The following NAALADL2 variants were observed in gnomAD, a reference collection of about 807,000 sequenced individuals.
NAALADL2 encodes the protein inactive N-acetylated-alpha-linked acidic dipeptidase-like protein 2.
NAALADL2 carries 76 observed loss-of-function variants against 87.2 expected under a neutral mutation model. That is an observed-to-expected ratio of 0.87 (90% CI 0.72 to 1.05). NAALADL2 has a LOEUF of 1.05. Ranked by LOEUF, NAALADL2 falls within the 50% of genes least tolerant of loss-of-function variation. The pLI, the probability that NAALADL2 is intolerant of heterozygous loss-of-function variation, is 0.00. For missense variants in NAALADL2, 1,089 were observed against 945.8 expected (o/e 1.15, Z -1.99); for synonymous variants, 354 against 331.0 (o/e 1.07, Z -0.75).
intron 2 of NAALADL2, among the ~76,000 whole-genome samples, chr3:174,634,868 A>G (rs1156876431): frequency 6.6e-6 from 1 of 152,166 alleles, no homozygotes; most frequent in Non-Finnish European, 1.5e-5. Flanking sequence ...GACAATGTTT[A>G]TAATAGTGTT....
chr3:175,555,483 A>G (rs1175524940), intron 9 of NAALADL2, among the ~76,000 whole-genome samples: 1 of 152,098 alleles, frequency 6.6e-6, no homozygotes, highest in East Asian at 1.9e-4. Flanking sequence ...CCTTTAAGGC[A>G]CTCTTTAAAC....
chr3:174,979,287 TTTTC>T (rs1744781383), intron 1 of NAALADL2, among the ~76,000 whole-genome samples: 4 of 148,416 alleles, frequency 2.7e-5, no homozygotes, highest in Admixed American at 1.4e-4. Context: ...TCTAGTATAA[TTTTC>T]TTTCTTTCTT....
At chr3:174,445,026 T>C (rs150347630) in intron 1 of NAALADL2, among the ~76,000 whole-genome samples, 5 of 151,732 alleles carry the variant, frequency 3.3e-5, no homozygotes, top group Non-Finnish European at 7.4e-5. Context: ...TTTTTTTTTT[T>C]CAGTTATTTA....
intron 2 of NAALADL2, among the ~76,000 whole-genome samples, chr3:174,551,981 GT>G (rs997336603): frequency 3.9e-5 from 6 of 152,092 alleles, no homozygotes; most frequent in Non-Finnish European, 7.4e-5. Context: ...TTGAGCTTCA[GT>G]TTTTTTCTAT....
In NAALADL2 at chr3:175,254,781, TG is replaced by T. The variant is rs561612899; in HGVS notation, c.820-1628del. ...ATATCAACAGTTATTTATATGGTAA[TG>T]GTATCAGCCAACTAAAAAATGTATT... is the stretch of plus-strand genomic sequence containing the variant. On this transcript the variant is annotated intron_variant, in intron 3 of 13. Transcript: ENST00000454872. 2.0e-3 allele frequency among the ~76,000 whole-genome samples: 303 copies of T among 152,308 alleles called. 1 individual carries two copies. The highest frequency in any genetic ancestry group is 7.0e-3 in the African/African-American group (291 of 41,570).
At chr3:175,673,304 T>C (rs1007321685) in intron 11 of NAALADL2, among the ~76,000 whole-genome samples, 1 of 152,164 alleles carries the variant, frequency 6.6e-6, no homozygotes, top group East Asian at 1.9e-4. Context: ...CCTGCCAAAT[T>C]AAGGGAGAGT....
intron 1 of NAALADL2, among the ~76,000 whole-genome samples, chr3:174,475,457 ATT>A (rs11338258): frequency 4.0e-5 from 6 of 150,694 alleles, no homozygotes; most frequent in East Asian, 2.0e-4. Flanking sequence ...TAATTGTGTA[ATT>A]TTTTTTTTAG....
chr3:175,781,840 T>A (rs1751150393), intron 13 of NAALADL2, among the ~76,000 whole-genome samples: 1 of 151,908 alleles, frequency 6.6e-6, no homozygotes, highest in Non-Finnish European at 1.5e-5. Context: ...TAGGTGTATC[T>A]CCCAATGCTA....
intron 5 of NAALADL2, among the ~76,000 whole-genome samples, chr3:175,382,082 CG>C (rs2148988474): frequency 6.6e-6 from 1 of 152,168 alleles, no homozygotes; most frequent in African/African-American, 2.4e-5. Context: ...ATTGGTACCA[CG>C]GGAGGGGAGC....
intron 3 of NAALADL2, among the ~76,000 whole-genome samples, chr3:174,810,939 C>A (rs1720115175): frequency 6.6e-6 from 1 of 152,200 alleles, no homozygotes; most frequent in Admixed American, 6.5e-5. Context: ...CTGCTCCCTG[C>A]ATCCTGGCTG....
intron 9 of NAALADL2, among the ~76,000 whole-genome samples, chr3:175,532,395 C>A (rs1734204475): frequency 6.6e-6 from 1 of 152,168 alleles, no homozygotes; most frequent in African/African-American, 2.4e-5. Flanking sequence ...TAGTGTAGTG[C>A]AGTCCTTCCT....
chr3:175,390,252 A>C (rs985595962), intron 5 of NAALADL2, among the ~76,000 whole-genome samples: 1 of 152,142 alleles, frequency 6.6e-6, no homozygotes. Flanking sequence ...TAGGGCTCAA[A>C]TTCCATGATC....
At chr3:175,414,410 G>T (rs1349559041) in intron 5 of NAALADL2, among the ~76,000 whole-genome samples, 1 of 151,934 alleles carries the variant, frequency 6.6e-6, no homozygotes, top group Non-Finnish European at 1.5e-5. Flanking sequence ...TCTATTTTTT[G>T]ATGTTTAATA....
intron 11 of NAALADL2, among the ~76,000 whole-genome samples, chr3:175,650,571 A>C (rs1730632196): frequency 6.6e-6 from 1 of 152,162 alleles, no homozygotes; most frequent in Admixed American, 6.5e-5. Flanking sequence ...TTTCAGTACT[A>C]TCAAAGTGAA....
chr3:174,685,817 C>T (rs1727981397), intron 2 of NAALADL2, among the ~76,000 whole-genome samples: 1 of 151,172 alleles, frequency 6.6e-6, no homozygotes, highest in South Asian at 2.1e-4. Flanking sequence ...TCTTCTCCCT[C>T]CTCCCACCCC....
At chr3:174,504,869 G>A (rs13062427) in intron 1 of NAALADL2, among the ~76,000 whole-genome samples, 39,334 of 151,918 alleles carry the variant, frequency 0.26, 5,764 homozygotes, top group South Asian at 0.37. Flanking sequence ...TAGACATCTC[G>A]TATAGAGAAG....
At chr3:174,971,961 G>A (rs188877651) in intron 1 of NAALADL2, among the ~76,000 whole-genome samples, 2 of 152,152 alleles carry the variant, frequency 1.3e-5, no homozygotes, top group Non-Finnish European at 2.9e-5. Flanking sequence ...GCCTCCCAAA[G>A]TGCTGGGATT....
At chr3:174,811,136 C>T (rs966075304) in intron 3 of NAALADL2, among the ~76,000 whole-genome samples, 1 of 152,178 alleles carries the variant, frequency 6.6e-6, no homozygotes, top group African/African-American at 2.4e-5. Context: ...GCTTCAGGGG[C>T]AGAGCCCTTA....
In NAALADL2 at chr3:175,737,410, T is replaced by A; in HGVS notation, c.1990+11T>A. On this transcript the variant is annotated intron_variant, in intron 12 of 13. Coordinates refer to ENST00000454872, the MANE Select transcript of NAALADL2 (RefSeq NM_207015.3). Reference sequence around the variant, plus strand: ...AAAACAACCTTAAAGGTAATTTTCCTTTGAATTATAGTAATTTTACCAATG... The same window carrying A: ...AAAACAACCTTAAAGGTAATTTTCCATTGAATTATAGTAATTTTACCAATG... 6.8e-7 allele frequency: 1 copy of A among 1,479,008 alleles called. No individual in the cohort carries two copies. The highest frequency in any genetic ancestry group is 1.1e-5 in the South Asian group (1 of 87,174). The allele number at this position is 1,479,008 out of a possible 1,614,324, so 91.6% of individuals were successfully genotyped here.
Sources: allele counts gnomAD v4.1 joint callset (sites outside exome capture counted in the v4.1 genomes callset), GRCh38; gene constraint gnomAD v4.1.1; transcripts MANE v1.5; gene names NCBI Gene and HGNC (gene_info 2026-07-23, HGNC 2026-07-21).